Variants in PSMD5 observed in about 807,000 individuals in gnomAD.
PSMD5 encodes 26S proteasome non-ATPase regulatory subunit 5.
Under a neutral mutation model 52.1 loss-of-function variants are expected in PSMD5, and 40 were observed. The ratio of observed to expected loss-of-function variants is 0.77; its 90% CI spans 0.60 to 1.00. The LOEUF (loss-of-function observed/expected upper bound fraction) is 1.00, where lower values mean the gene tolerates loss of function less well. Ranked by LOEUF, PSMD5 falls within the 50% of genes least tolerant of loss-of-function variation. PSMD5 has a pLI of 0.00. For missense variants in PSMD5, 575 were observed against 605.2 expected, an observed-to-expected ratio of 0.95 and a Z score of 0.52; for synonymous variants, 211 against 226.6, an observed-to-expected ratio of 0.93 and a Z score of 0.62.
In PSMD5 at chr9:120,829,216, A is replaced by T. The variant is rs753250675; in HGVS notation, c.562-8T>A. ...AGAAATCTCTATAATTAGCTGAAAT[A>T]AAAAAAAAAACACAGAAAAAAGAAA... On this transcript the variant is annotated splice_polypyrimidine_tract_variant and splice_region_variant and intron_variant, in intron 4 of 9. Transcript: ENST00000210313. 6.7e-5 allele frequency: 66 copies of T among 989,224 alleles called. No homozygotes were observed. Among genetic ancestry groups the T allele is most frequent in the East Asian group, 2.2e-4 (6 of 27,042 alleles). The allele number at this position is 989,224 out of a possible 1,614,324, so 61.3% of individuals were successfully genotyped here.
At chr9:120,822,532 T>C (rs555491856) in intron 7 of PSMD5, among the ~76,000 whole-genome samples, 2 of 152,260 alleles carry the variant, frequency 1.3e-5, no homozygotes, top group South Asian at 2.1e-4. Flanking sequence ...TAATTTTCTT[T>C]TTTTCTTTTT....
intron 1 of PSMD5, among the ~76,000 whole-genome samples, chr9:120,833,672 CTTTTT>C (rs71385094): frequency 2.3e-5 from 2 of 85,620 alleles, no homozygotes; most frequent in East Asian, 3.3e-4. Context: ...CTCTAGTCTT[CTTTTT>C]TTTTTTTTTT....
intron 4 of PSMD5, 140 bp from the exon 5 acceptor site, chr9:120,829,348 T>C: frequency 9.3e-7 from 1 of 1,071,950 alleles, no homozygotes; most frequent in Non-Finnish European, 1.2e-6. Flanking sequence ...TCTCTTTAAG[T>C]AGAAAAACTT....
chr9:120,838,846 G>A (rs1036086079), intron 1 of PSMD5, among the ~76,000 whole-genome samples: 2 of 152,192 alleles, frequency 1.3e-5, no homozygotes, highest in Non-Finnish European at 2.9e-5. Flanking sequence ...ATTTAATTGG[G>A]CGTATACTGC....
rs760582614 is a variant in PSMD5, at chr9:120,842,914, C to T, written c.-5G>A. The T allele has an allele frequency of 5.1e-6, 8 of 1,573,170 alleles. No homozygotes were observed. Among genetic ancestry groups the T allele is most frequent in the Admixed American group, 3.5e-5 (2 of 56,854 alleles). ...CGCCAAAGCCTGGGCTGCCATCTTG[C>T]CCCCCGACGCAGGGGCTGGCCCAGC... On this transcript the variant is annotated 5_prime_UTR_variant, in exon 1 of 10. Coordinates refer to ENST00000210313, the MANE Select transcript of PSMD5 (RefSeq NM_005047.4).
At chr9:120,819,551 C>T (rs2045068100) in intron 9 of PSMD5, among the ~76,000 whole-genome samples, 1 of 152,182 alleles carries the variant, frequency 6.6e-6, no homozygotes, top group Non-Finnish European at 1.5e-5. Flanking sequence ...AGAAATGTTT[C>T]TGGCTAGGCG....
Position 120,838,470 on chromosome 9 carries a change from T to TA in PSMD5, c.173+4266dup, listed in dbSNP as rs1354085961. On this transcript the variant is annotated intron_variant, in intron 1 of 9. Transcript: ENST00000210313. Reference sequence around the variant, plus strand: ...AAAAAAAACTGTCAAGATTCTAACTTACATCTGCAAGATCAGATTGTGAAC... The same window carrying TA: ...AAAAAAAACTGTCAAGATTCTAACTTAACATCTGCAAGATCAGATTGTGAAC... 2.0e-5 allele frequency among the ~76,000 whole-genome samples: 3 copies of TA among 152,338 alleles called. No individual in the cohort carries two copies. In the East Asian group the frequency reaches 5.8e-4, roughly 29 times the overall value.
intron 7 of PSMD5, 98 bp downstream of exon 7, chr9:120,824,396 A>G: frequency 8.5e-7 from 1 of 1,171,820 alleles, no homozygotes; most frequent in Non-Finnish European, 1.3e-6. Flanking sequence ...CCCATAAAAT[A>G]GTTTCTACAA....
At chr9:120,825,055 A>T (rs983941174) in intron 6 of PSMD5, 1 of 161,990 alleles carries the variant, frequency 6.2e-6, no homozygotes, top group African/African-American at 2.4e-5. Context: ...AGGCAGGCAT[A>T]CATCTCCAAT....
intron 1 of PSMD5, 94 bp from the exon 2 acceptor site, chr9:120,833,550 C>G: frequency 1.5e-6 from 2 of 1,298,192 alleles, no homozygotes; most frequent in Non-Finnish European, 2.1e-6. Context: ...AGCGTCTCCT[C>G]CACACAGACT....
chr9:120,838,254 A>G (rs944952684), intron 1 of PSMD5, among the ~76,000 whole-genome samples: 1 of 152,268 alleles, frequency 6.6e-6, no homozygotes, highest in East Asian at 1.9e-4. Context: ...TATTAAGTGC[A>G]GTTCATTGTA....
At chr9:120,826,267 T>C (rs1412451955) in intron 6 of PSMD5, among the ~76,000 whole-genome samples, 1 of 152,194 alleles carries the variant, frequency 6.6e-6, no homozygotes. Context: ...GTGTTGGGAT[T>C]ACAGGCATGA....
intron 7 of PSMD5, among the ~76,000 whole-genome samples, chr9:120,822,625 G>A (rs192733793): frequency 6.7e-4 from 101 of 151,370 alleles, no homozygotes; most frequent in African/African-American, 2.4e-3. Flanking sequence ...CTCGACTCAC[G>A]GCCCAGGTTC....
At chr9:120,822,196 T>C (rs755487433) in intron 7 of PSMD5, among the ~76,000 whole-genome samples, 3 of 152,198 alleles carry the variant, frequency 2.0e-5, no homozygotes, top group Non-Finnish European at 4.4e-5. Flanking sequence ...TCATACACTA[T>C]GACCTCTACC....
intron 9 of PSMD5, 74 bp downstream of exon 9, chr9:120,820,765 C>T (rs2131420167): frequency 1.4e-6 from 2 of 1,422,298 alleles, no homozygotes; most frequent in Non-Finnish European, 1.9e-6. Flanking sequence ...ATGGCACAGG[C>T]TCTGGCTCAC....
rs1009850016 is a variant in PSMD5, at chr9:120,817,738, T to C, written c.*168A>G. On this transcript the variant is annotated 3_prime_UTR_variant, in exon 10 of 10. Coordinates refer to ENST00000210313, the MANE Select transcript of PSMD5 (RefSeq NM_005047.4). ...ATGCATTCCAAACTCCTAGTTCCAC[T>C]TTGCATTTCAATGTAGAAATATAAC... 2 of 781,650 alleles carry C rather than the reference T, an allele frequency of 2.6e-6. No homozygotes were observed. The highest frequency in any genetic ancestry group is 2.9e-5 in the Admixed American group (1 of 34,330). 48.4% of individuals were successfully genotyped at this position (781,650 alleles called of 1,614,324 possible).
chr9:120,817,911 C>T lies in PSMD5; in HGVS notation c.1510G>A (p.Glu504Lys). Residue 504 changes from glutamate to lysine, a missense_variant, in exon 10 of 10, where the codon GAA becomes AAA. Coordinates refer to ENST00000210313, the MANE Select transcript of PSMD5 (RefSeq NM_005047.4). ...PVSTTAVEGA[E>K] ...TACATGAGCTCTAGAAGAAATCATT[C>T]GGCTCCTTCTACTGCTGTCGTGGAA... 3.7e-6 allele frequency: 6 copies of T among 1,610,696 alleles called. No homozygotes were observed. Among genetic ancestry groups the T allele is most frequent in the South Asian group, 1.1e-5 (1 of 90,918 alleles).
chr9:120,820,781 A>T, intron 9 of PSMD5, 58 bp downstream of exon 9: 1 of 1,482,478 alleles, frequency 6.7e-7, no homozygotes, highest in Non-Finnish European at 8.9e-7. Flanking sequence ...CTCACTGTTA[A>T]GTACTCAAGT....
At chr9:120,841,927 G>A (rs1393873547) in intron 1 of PSMD5, 1 of 152,142 alleles carries the variant, frequency 6.6e-6, no homozygotes, top group African/African-American at 2.4e-5. Context: ...ACATTCACAG[G>A]CCTGATAAAG....
Sources: gnomAD v4.1 joint callset for allele counts (sites outside exome capture counted in the v4.1 genomes callset) on GRCh38, gnomAD v4.1.1 for gene constraint, MANE v1.5 for transcripts, NCBI Gene and HGNC (gene_info 2026-07-23, HGNC 2026-07-21) for gene names.